NBPF15: variants seen among roughly 807,000 people sequenced by gnomAD.
NBPF15 encodes NBPF member 15.
Under a neutral mutation model 62.2 loss-of-function variants are expected in NBPF15, and 74 were observed. The ratio of observed to expected loss-of-function variants is 1.19; its 90% CI spans 0.99 to 1.44. NBPF15 has a LOEUF of 1.44. Ranked by LOEUF, NBPF15 falls within the 40% of genes most tolerant of loss-of-function variation. The pLI is 0.00. For missense variants in NBPF15, 790 were observed against 550.0 expected, an observed-to-expected ratio of 1.44 and a Z score of -4.36; for synonymous variants, 244 against 209.7, an observed-to-expected ratio of 1.16 and a Z score of -1.41.
At chr1:144,424,278 G>T (rs1667977986) in intron 20 of NBPF15, among the ~76,000 whole-genome samples, 1 of 151,474 alleles carries the variant, frequency 6.6e-6, no homozygotes. Context: ...ACCCTCAAAT[G>T]ATTTCTAGGA....
intron 13 of NBPF15, among the ~76,000 whole-genome samples, chr1:144,432,635 C>CA (rs1202401970): frequency 2.6e-5 from 4 of 151,240 alleles, no homozygotes; most frequent in African/African-American, 7.3e-5. Flanking sequence ...AAATGGAAAA[C>CA]AAAAAAAGGC....
Position 144,457,012 on chromosome 1 carries a change from A to C in NBPF15, c.-700-207T>G, listed in dbSNP as rs1427553213. Among the ~76,000 whole-genome samples, 3 of 151,200 alleles carry C rather than the reference A, an allele frequency of 2.0e-5. 1 individual carries two copies. Among genetic ancestry groups the C allele is most frequent in the African/African-American group, 7.3e-5 (3 of 41,102 alleles). ...GCAACATAGTAAGACCCCATCTCTG[A>C]AAATAAAAAATGAAAAATTGGCCCA... On this transcript the variant is annotated intron_variant, in intron 3 of 21. Transcript: ENST00000581897.
In NBPF15 at chr1:144,424,567, G is replaced by A. The variant is rs1347149551; in HGVS notation, c.1663+123C>T. On this transcript the variant is annotated intron_variant, in intron 20 of 21. Coordinates refer to ENST00000581897, the MANE Select transcript of NBPF15 (RefSeq NM_001385408.1). ...CTAGAGTTTCATTCAACCTACATGTGCCTATAGGTCCTCACTGCGGCAATG... is the reference window on the plus strand; with the variant it reads ...CTAGAGTTTCATTCAACCTACATGTACCTATAGGTCCTCACTGCGGCAATG... The A allele has an allele frequency of 3.3e-5, 21 of 639,678 alleles. 1 individual carries two copies. Among genetic ancestry groups the A allele is most frequent in the Non-Finnish European group, 5.3e-5 (19 of 360,242 alleles). 39.6% of individuals were successfully genotyped at this position (639,678 alleles called of 1,614,324 possible).
chr1:144,455,558 A>G (rs1371770842), intron 4 of NBPF15, among the ~76,000 whole-genome samples: 4 of 151,944 alleles, frequency 2.6e-5, no homozygotes, highest in Non-Finnish European at 4.4e-5. Flanking sequence ...GAGACAGTGG[A>G]TCCCAGAACA....
chr1:144,445,969 G>C (rs1162653528), intron 6 of NBPF15, among the ~76,000 whole-genome samples: 2 of 144,644 alleles, frequency 1.4e-5, no homozygotes, highest in African/African-American at 2.6e-5. Context: ...TGATCCTCCT[G>C]CCTCAGCCTC....
chr1:144,427,860 C>G lies in NBPF15; in HGVS notation c.1171G>C (p.Val391Leu), dbSNP rs201454666. The change falls in exon 16 of 22, where the codon GTA (valine) becomes CTA (leucine). Residue 391 changes from valine (V) to leucine (L), a missense_variant. Val to Leu is a conservative substitution (Grantham distance 32, BLOSUM62 1). Transcript: ENST00000581897. ...SCQPYRSAFY[V>L]LEQQRVGLAI... is the part of the protein sequence containing the mutation. ...AAGCCAACACGCTGTTGCTCCAATA[C>G]GTAAAAGGCACTTCTGTAGGGCTGG... 7.0e-5 allele frequency: 48 copies of G among 687,532 alleles called. 1 individual carries two copies. The highest frequency in any genetic ancestry group is 5.7e-4 in the South Asian group (35 of 60,958). 42.6% of individuals were successfully genotyped at this position (687,532 alleles called of 1,614,324 possible).
chr1:144,444,061 T>C (rs579595), intron 6 of NBPF15, among the ~76,000 whole-genome samples: 11 of 152,090 alleles, frequency 7.2e-5, no homozygotes, highest in South Asian at 4.2e-4. Flanking sequence ...TGTAATGTCT[T>C]GTAAATACTG....
chr1:144,436,358 A>G (rs1678332376), intron 10 of NBPF15, among the ~76,000 whole-genome samples: 1 of 151,806 alleles, frequency 6.6e-6, no homozygotes, highest in African/African-American at 2.4e-5. Context: ...CCTACCACAA[A>G]ACGCCCCCAC....
At chr1:144,429,389 A>C (rs1357108533) in intron 14 of NBPF15, among the ~76,000 whole-genome samples, 12 of 151,382 alleles carry the variant, frequency 7.9e-5, no homozygotes, top group Non-Finnish European at 1.6e-4. Context: ...CTGAGCTGAC[A>C]GACAGCTCCT....
At chr1:144,452,082 G>A in intron 4 of NBPF15, among the ~76,000 whole-genome samples, 1 of 151,718 alleles carries the variant, frequency 6.6e-6, no homozygotes, top group South Asian at 2.1e-4. Context: ...AACTCAGGAG[G>A]TGGAGGTTGC....
Position 144,424,017 on chromosome 1 carries a change from C to T in NBPF15, c.1664-42G>A, listed in dbSNP as rs587709826. ...CATGGACAGACACATTAAGCTGATT[C>T]CCCTACACATATAACAATCCACTGT... On this transcript the variant is annotated intron_variant, in intron 20 of 21. Transcript: ENST00000581897. 8.5e-5 allele frequency: 65 copies of T among 762,220 alleles called. No homozygotes were observed. In the East Asian group the frequency reaches 1.2e-3, roughly 14 times the overall value. 47.2% of individuals were successfully genotyped at this position (762,220 alleles called of 1,614,324 possible).
chr1:144,444,252 C>A (rs1466006332), intron 6 of NBPF15, among the ~76,000 whole-genome samples: 3 of 144,436 alleles, frequency 2.1e-5, no homozygotes, highest in Non-Finnish European at 3.0e-5. Context: ...CTGAGTGGTT[C>A]AATTAAATAT....
chr1:144,450,635 G>A (rs1215919668), intron 5 of NBPF15, 137 bp downstream of exon 5: 2 of 156,408 alleles, frequency 1.3e-5, no homozygotes, highest in East Asian at 2.0e-4. Flanking sequence ...GTGATAATAG[G>A]CAGCAAGAGA....
intron 4 of NBPF15, among the ~76,000 whole-genome samples, chr1:144,451,431 T>A (rs1280223008): frequency 6.6e-6 from 1 of 151,106 alleles, no homozygotes; most frequent in Non-Finnish European, 1.5e-5. Flanking sequence ...CTAATCCTCC[T>A]CAGCACAGAC....
intron 1 of NBPF15, 66 bp from the exon 2 acceptor site, chr1:144,461,027 C>A (rs1460784028): frequency 6.6e-6 from 1 of 150,800 alleles, no homozygotes; most frequent in Non-Finnish European, 1.5e-5. Context: ...AAGTCAGGGG[C>A]GCGAGTGGTC....
chr1:144,439,849 G>T lies in NBPF15; in HGVS notation c.155C>A (p.Ala52Asp), dbSNP rs1391536199. 14 of 1,606,804 alleles carry T rather than the reference G, an allele frequency of 8.7e-6. No homozygotes were observed. Among genetic ancestry groups the T allele is most frequent in the Admixed American group, 3.3e-5 (2 of 59,942 alleles). The change falls in exon 8 of 22, where the codon GCC becomes GAC. Residue 52 changes from alanine (A) to aspartate (D), a missense_variant. Coordinates refer to ENST00000581897, the MANE Select transcript of NBPF15 (RefSeq NM_001385408.1). ...CTTACTGTATTTCTTCTGTCGGTTG[G>T]CCAGGAAGCCGGCCAGTTGAGTTAG... ...CFLTQLAGFL[A>D]NRQKKYKYEE...
At chr1:144,457,653 C>G (rs1649071241) in intron 3 of NBPF15, among the ~76,000 whole-genome samples, 1 of 151,828 alleles carries the variant, frequency 6.6e-6, no homozygotes, top group African/African-American at 2.4e-5. Context: ...GAGACAAAAT[C>G]TCAAATTTCC....
intron 6 of NBPF15, among the ~76,000 whole-genome samples, chr1:144,446,513 GCATT>G (rs1230983648): frequency 6.6e-6 from 1 of 152,284 alleles, no homozygotes; most frequent in Non-Finnish European, 1.5e-5. Context: ...TAATAGAAAA[GCATT>G]CAATCTTATG....
intron 10 of NBPF15, among the ~76,000 whole-genome samples, chr1:144,436,403 C>T (rs1176134815): frequency 4.7e-5 from 7 of 149,910 alleles, no homozygotes; most frequent in Admixed American, 2.0e-4. Flanking sequence ...ACGGTGAGGG[C>T]CTTCATCTCA....
Sources: allele counts gnomAD v4.1 joint callset (sites outside exome capture counted in the v4.1 genomes callset), GRCh38; gene constraint gnomAD v4.1.1; transcripts MANE v1.5; gene names NCBI Gene and HGNC (gene_info 2026-07-23, HGNC 2026-07-21).